The following EIF3H variants were observed in gnomAD, a reference collection of about 807,000 sequenced individuals.
The protein encoded by EIF3H is eukaryotic translation initiation factor 3 subunit H.
A neutral mutation model predicts 44.2 loss-of-function variants in EIF3H; 26 were observed. The ratio of observed to expected loss-of-function variants is 0.59; its 90% CI spans 0.43 to 0.82. EIF3H has a LOEUF of 0.82. Ranked by LOEUF, EIF3H falls within the 40% of genes least tolerant of loss-of-function variation. EIF3H has a pLI of 0.00. For synonymous variants in EIF3H, 166 were observed against 151.9 expected (o/e 1.09, Z -0.68); for missense variants, 359 against 432.8 (o/e 0.83, Z 1.51).
upstream of EIF3H, among the ~76,000 whole-genome samples, chr8:116,760,017 C>T (rs942885090): frequency 1.1e-4 from 17 of 152,312 alleles, no homozygotes; most frequent in African/African-American, 3.8e-4. Flanking sequence ...GGGTGCGAGC[C>T]ACCATGCTCA....
intron 1 of EIF3H, among the ~76,000 whole-genome samples, chr8:116,754,149 T>C (rs1332912670): frequency 6.6e-6 from 1 of 152,058 alleles, no homozygotes; most frequent in African/African-American, 2.4e-5. Flanking sequence ...AGGCTCGCTC[T>C]ATTGCCCAGG....
intron 2 of EIF3H, among the ~76,000 whole-genome samples, chr8:116,695,964 T>C (rs1426500680): frequency 6.6e-6 from 1 of 152,266 alleles, no homozygotes; most frequent in South Asian, 2.1e-4. Flanking sequence ...TGTAAACTCA[T>C]GGTTTTCAAT....
At chr8:116,720,858 C>A (rs1235929626) in intron 2 of EIF3H, among the ~76,000 whole-genome samples, 2 of 152,232 alleles carry the variant, frequency 1.3e-5, no homozygotes, top group South Asian at 2.1e-4. Context: ...GAAAAAATTT[C>A]TAAGCAGCAC....
intron 2 of EIF3H, among the ~76,000 whole-genome samples, chr8:116,705,479 G>T (rs185509688): frequency 1.4e-5 from 2 of 145,408 alleles, no homozygotes; most frequent in African/African-American, 5.4e-5. Context: ...TGCCATGTGG[G>T]TAACATGTTA....
chr8:116,676,770 T>TC (rs1050858289), intron 2 of EIF3H, among the ~76,000 whole-genome samples: 2 of 152,168 alleles, frequency 1.3e-5, no homozygotes, highest in East Asian at 3.9e-4. Flanking sequence ...CGTACTTAGT[T>TC]CCCCAAAATT....
At chr8:116,725,837 C>CTA (rs1456814715) in intron 2 of EIF3H, among the ~76,000 whole-genome samples, 179 bp downstream of exon 2, 1 of 152,172 alleles carries the variant, frequency 6.6e-6, no homozygotes, top group Non-Finnish European at 1.5e-5. Flanking sequence ...CTAATGATGT[C>CTA]TATAGTATAA....
At chr8:116,696,656 G>C (rs1814272937) in intron 2 of EIF3H, among the ~76,000 whole-genome samples, 1 of 152,140 alleles carries the variant, frequency 6.6e-6, no homozygotes, top group South Asian at 2.1e-4. Flanking sequence ...CTAAAATACA[G>C]AGTTCAATGA....
chr8:116,742,603 T>C (rs1298242667), intron 1 of EIF3H, among the ~76,000 whole-genome samples: 1 of 152,208 alleles, frequency 6.6e-6, no homozygotes, highest in Non-Finnish European at 1.5e-5. Context: ...TTCTAACACA[T>C]TCTAAGTTTA....
At chr8:116,692,259 T>C (rs1234073980) in intron 2 of EIF3H, among the ~76,000 whole-genome samples, 1 of 152,142 alleles carries the variant, frequency 6.6e-6, no homozygotes, top group African/African-American at 2.4e-5. Context: ...TAATATGAAA[T>C]AACCCAGAAG....
intron 2 of EIF3H, among the ~76,000 whole-genome samples, chr8:116,714,325 A>T (rs1255513512): frequency 2.0e-5 from 3 of 152,078 alleles, no homozygotes; most frequent in Non-Finnish European, 4.4e-5. Flanking sequence ...CCCCGAAAGG[A>T]ATTAGTGGCT....
chr8:116,647,174 CT>C (rs142218828), intron 6 of EIF3H, among the ~76,000 whole-genome samples: 2,208 of 152,152 alleles, frequency 0.015, 45 homozygotes, highest in African/African-American at 0.049. Flanking sequence ...CAGCCTCCGC[CT>C]CTCCGCCTCC....
At chr8:116,709,081 G>C (rs1261602879) in intron 2 of EIF3H, among the ~76,000 whole-genome samples, 2 of 151,792 alleles carry the variant, frequency 1.3e-5, no homozygotes, top group African/African-American at 2.4e-5. Context: ...AATTTAAATA[G>C]ACAAGCCTTG....
At chr8:116,708,167 A>G (rs1014629097) in intron 2 of EIF3H, among the ~76,000 whole-genome samples, 6 of 152,124 alleles carry the variant, frequency 3.9e-5, no homozygotes, top group Non-Finnish European at 8.8e-5. Context: ...TTTAAGTTAC[A>G]CCGGAATTTG....
intron 2 of EIF3H, among the ~76,000 whole-genome samples, chr8:116,708,104 C>T (rs550240617): frequency 2.0e-5 from 3 of 152,020 alleles, no homozygotes; most frequent in African/African-American, 7.2e-5. Context: ...TCAGGAAAAA[C>T]AAAAAGGCTG....
chr8:116,752,800 GGAAGGAAGGAA>G (rs1815380771), intron 1 of EIF3H, among the ~76,000 whole-genome samples: 1 of 89,504 alleles, frequency 1.1e-5, no homozygotes, highest in Admixed American at 1.3e-4. Flanking sequence ...AGGGAGGGAA[GGAAGGAAGGAA>G]GGAAGGAAGG....
rs1412954172 is a variant in EIF3H at position 116,681,352 on chromosome 8, ACT to A, written c.290-22374_290-22373del. Among the ~76,000 whole-genome samples the A allele has an allele frequency of 1.7e-4, 26 of 151,826 alleles. 1 individual carries two copies. Among genetic ancestry groups the A allele is most frequent in the Admixed American group, 7.9e-4 (12 of 15,246 alleles). On this transcript the variant is annotated intron_variant, in intron 2 of 7. Coordinates refer to ENST00000521861, the MANE Select transcript of EIF3H (RefSeq NM_003756.3). ...ACTCCAGCCTGCGTAATACAGCAAG[ACT>A]CTGTCTAAAAGAAAAGGTACAAACA...
At position 116,644,776 on chromosome 8, in the gene EIF3H, A is replaced by G. The variant is rs749308405; in HGVS notation, c.*230T>C. On this transcript the variant is annotated 3_prime_UTR_variant, in exon 8 of 8. Transcript: ENST00000521861. ...TTTTAGCTTTTAGAAATAAACAAGTATAAGCAAACAAAAGTAAGCCAGAGA... is the reference window on the plus strand; with the variant it reads ...TTTTAGCTTTTAGAAATAAACAAGTGTAAGCAAACAAAAGTAAGCCAGAGA... 23 of 490,452 alleles carry G rather than the reference A, an allele frequency of 4.7e-5. No homozygotes were observed. The highest frequency in any genetic ancestry group is 4.2e-4 in the African/African-American group (22 of 52,200). The allele number at this position is 490,452 out of a possible 1,614,324, so 30.4% of individuals were successfully genotyped here. A position where few individuals can be genotyped will look rare whatever the true frequency, so the allele number is the denominator to read the frequency against.
chr8:116,676,285 T>C (rs1317766029), intron 2 of EIF3H, among the ~76,000 whole-genome samples: 1 of 152,230 alleles, frequency 6.6e-6, no homozygotes, highest in Non-Finnish European at 1.5e-5. Context: ...GTTTTTATAC[T>C]GCTATAAAGA....
At chr8:116,755,960 C>A (rs550881476), upstream of EIF3H, 158 of 1,536,292 alleles carry the variant, frequency 1.0e-4, no homozygotes, top group Non-Finnish European at 1.1e-4. Context: ...ACCTTCTTTC[C>A]AGGCGGTATC....
Sources: allele counts gnomAD v4.1 joint callset (sites outside exome capture counted in the v4.1 genomes callset), GRCh38; gene constraint gnomAD v4.1.1; transcripts MANE v1.5; gene names NCBI Gene and HGNC (gene_info 2026-07-23, HGNC 2026-07-21).